The following CDH18 variants were observed in gnomAD, a reference collection of about 807,000 sequenced individuals.
The protein encoded by CDH18 is cadherin 18, also known as cadherin-18.
A neutral mutation model predicts 67.9 loss-of-function variants in CDH18; 31 were observed. That is an observed-to-expected ratio of 0.46 (90% confidence interval 0.34 to 0.62). The LOEUF (loss-of-function observed/expected upper bound fraction) is 0.62. Ranked by LOEUF, CDH18 falls within the 20% of genes least tolerant of loss-of-function variation. The probability of loss-of-function intolerance (pLI) is 0.01; values close to 1 mark genes in which losing one functional copy is unlikely to be tolerated. For synonymous variants in CDH18, 362 were observed against 347.2 expected (o/e 1.04, Z -0.48); for missense variants, 890 against 975.5 (o/e 0.91, Z 1.17).
chr5:20,327,153 A>C (rs1738675504), intron 1 of CDH18, among the ~76,000 whole-genome samples: 1 of 152,202 alleles, frequency 6.6e-6, no homozygotes, highest in Non-Finnish European at 1.5e-5. Flanking sequence ...CTGTGAAAGA[A>C]AATTGAATAT....
At chr5:19,483,667 T>A in intron 11 of CDH18, 115 bp from the exon 12 acceptor site, 1 of 1,112,942 alleles carries the variant, frequency 9.0e-7, no homozygotes. Flanking sequence ...GTTTATGAAA[T>A]GGACAAGGGA....
chr5:19,759,021 C>T (rs1232423010), intron 3 of CDH18, among the ~76,000 whole-genome samples: 1 of 152,190 alleles, frequency 6.6e-6, no homozygotes, highest in Non-Finnish European at 1.5e-5. Context: ...TATTGCTGGC[C>T]TTGCCAGCTG....
chr5:20,558,791 G>T (rs908530298), intron 1 of CDH18, among the ~76,000 whole-genome samples: 2 of 152,014 alleles, frequency 1.3e-5, no homozygotes, highest in South Asian at 2.1e-4. Flanking sequence ...AGAAGAAAAA[G>T]ACTTGAGGGC....
chr5:19,585,258 G>A (rs968673501), intron 7 of CDH18, among the ~76,000 whole-genome samples: 8 of 152,112 alleles, frequency 5.3e-5, no homozygotes, highest in Admixed American at 5.2e-4. Flanking sequence ...GGTGAGATAT[G>A]TGCACCGTCC....
chr5:20,156,737 G>A (rs1751562137), intron 2 of CDH18, among the ~76,000 whole-genome samples: 1 of 151,972 alleles, frequency 6.6e-6, no homozygotes, highest in East Asian at 1.9e-4. Context: ...ACAAAAGGAG[G>A]GAGGAAGTAC....
intron 1 of CDH18, among the ~76,000 whole-genome samples, chr5:20,306,853 A>C (rs1421929374): frequency 7.5e-6 from 1 of 133,336 alleles, no homozygotes; most frequent in East Asian, 2.1e-4. Flanking sequence ...TTTGTTTAAT[A>C]ATTTATGATT....
chr5:20,449,154 T>C (rs1023081370), intron 1 of CDH18, among the ~76,000 whole-genome samples: 4 of 152,184 alleles, frequency 2.6e-5, no homozygotes, highest in Non-Finnish European at 4.4e-5. Flanking sequence ...CTAATTCCAA[T>C]CATACTTTTC....
rs191750141 is a variant in CDH18 at position 20,078,388 on chromosome 5, G to T, written c.-517-86374C>A. ...TTAGGCAGGGGAATTGCTTGAACCA[G>T]GGTGGTAAAGGTTGCAGTAAGCCGA... On this transcript the variant is annotated intron_variant, in intron 2 of 14. Coordinates refer to the CDH18 transcript ENST00000507958. 8.7e-4 allele frequency among the ~76,000 whole-genome samples: 132 copies of T among 152,010 alleles called. 1 individual carries two copies. The highest frequency in any genetic ancestry group is 6.8e-3 in the Middle Eastern group (2 of 294).
chr5:20,356,826 T>C (rs1039536577), intron 1 of CDH18, among the ~76,000 whole-genome samples: 2 of 149,174 alleles, frequency 1.3e-5, no homozygotes, highest in Non-Finnish European at 3.0e-5. Flanking sequence ...TATACACATA[T>C]ATACCTATAT....
chr5:20,490,221 G>A lies in CDH18; in HGVS notation c.-580+85241C>T, dbSNP rs184898110. 5.3e-5 allele frequency among the ~76,000 whole-genome samples: 8 copies of A among 152,122 alleles called. No individual in the cohort carries two copies. The East Asian group carries it at 1.2e-3, about 22-fold the overall frequency. ...CTGGGGCCATTTTTATGATCAAAAG[G>A]CTTTACAGATTTATGGCAAACATTA... On this transcript the variant is annotated intron_variant, in intron 1 of 14. Transcript: ENST00000507958.
chr5:20,175,826 G>T (rs1737187982), intron 2 of CDH18, among the ~76,000 whole-genome samples: 1 of 151,966 alleles, frequency 6.6e-6, no homozygotes, highest in African/African-American at 2.4e-5. Flanking sequence ...CCCAGAATAA[G>T]GGTGGGTCTG....
At chr5:20,342,139 A>G (rs935831051) in intron 1 of CDH18, among the ~76,000 whole-genome samples, 1 of 152,148 alleles carries the variant, frequency 6.6e-6, no homozygotes, top group African/African-American at 2.4e-5. Flanking sequence ...CTGACCTGCA[A>G]TGAAAGATCC....
At chr5:20,057,466 T>A (rs1190622946) in intron 2 of CDH18, among the ~76,000 whole-genome samples, 3 of 152,200 alleles carry the variant, frequency 2.0e-5, no homozygotes, top group Non-Finnish European at 4.4e-5. Flanking sequence ...AACTTAATAA[T>A]TTGTTCACTC....
intron 3 of CDH18, among the ~76,000 whole-genome samples, chr5:19,807,046 A>G (rs556733462): frequency 6.6e-6 from 1 of 152,316 alleles, no homozygotes; most frequent in Admixed American, 6.5e-5. Context: ...TGTTAACACA[A>G]TGGTGTGTGT....
intron 9 of CDH18, among the ~76,000 whole-genome samples, chr5:19,537,729 G>A (rs1749647437): frequency 6.7e-6 from 1 of 150,192 alleles, no homozygotes; most frequent in Admixed American, 6.6e-5. Flanking sequence ...TTTCCATAAT[G>A]CAATTATCTA....
At chr5:20,451,040 G>T (rs571864733) in intron 1 of CDH18, among the ~76,000 whole-genome samples, 44 of 152,184 alleles carry the variant, frequency 2.9e-4, no homozygotes, top group African/African-American at 9.4e-4. Flanking sequence ...CTCCCACCAG[G>T]TCCCTCCAAT....
intron 2 of CDH18, among the ~76,000 whole-genome samples, chr5:20,172,223 T>TATATATACACATATATATACATATATAC (rs1554098639): frequency 2.3e-5 from 1 of 43,922 alleles, no homozygotes; most frequent in South Asian, 7.5e-4. Flanking sequence ...TATATATATA[T>TATATATACACATATATATACATATATAC]GTATATATAT....
intron 12 of CDH18, among the ~76,000 whole-genome samples, chr5:19,476,311 T>C (rs1289315097): frequency 6.6e-6 from 1 of 152,024 alleles, no homozygotes; most frequent in Non-Finnish European, 1.5e-5. Context: ...ATGAAGTGGT[T>C]ACAGAAAGCT....
At chr5:20,361,523 T>C (rs1373561176) in intron 1 of CDH18, among the ~76,000 whole-genome samples, 1 of 152,076 alleles carries the variant, frequency 6.6e-6, no homozygotes, top group East Asian at 1.9e-4. Context: ...TATAAATGTA[T>C]TAAGGGTCCC....
Sources: gnomAD v4.1 joint callset for allele counts (sites outside exome capture counted in the v4.1 genomes callset) on GRCh38, gnomAD v4.1.1 for gene constraint, MANE v1.5 for transcripts, NCBI Gene and HGNC (gene_info 2026-07-23, HGNC 2026-07-21) for gene names.